The following SRRM3 variants were observed in gnomAD, a reference collection of about 807,000 sequenced individuals.
The protein encoded by SRRM3 is serine/arginine repetitive matrix 3, also known as serine/arginine repetitive matrix protein 3.
SRRM3 carries 27 observed loss-of-function variants against 66.2 expected under a neutral mutation model. That is an observed-to-expected ratio of 0.41 (90% CI 0.30 to 0.56). SRRM3 has a LOEUF of 0.56. SRRM3 is among the 20% of genes least tolerant of loss of function. The pLI is 0.32. For synonymous variants in SRRM3, 391 were observed against 414.9 expected (o/e 0.94, Z 0.70); for missense variants, 918 against 991.9 (o/e 0.93, Z 1.00).
chr7:76,254,908 T>A (rs1178102686), intron 3 of SRRM3, among the ~76,000 whole-genome samples: 3 of 151,822 alleles, frequency 2.0e-5, no homozygotes, highest in African/African-American at 7.3e-5. Flanking sequence ...AAAAGAGAAG[T>A]TTAAACAAAG....
At chr7:76,234,363 C>T (rs1801088381) in intron 1 of SRRM3, among the ~76,000 whole-genome samples, 1 of 152,140 alleles carries the variant, frequency 6.6e-6, no homozygotes, top group African/African-American at 2.4e-5. Flanking sequence ...GTCACGTCAT[C>T]AGAAGCAGTG....
intron 3 of SRRM3, among the ~76,000 whole-genome samples, chr7:76,248,771 G>A (rs1801502292): frequency 6.6e-6 from 1 of 152,164 alleles, no homozygotes; most frequent in Non-Finnish European, 1.5e-5. Context: ...TTGAGGTCAG[G>A]AGTTCGAGAC....
intron 11 of SRRM3, among the ~76,000 whole-genome samples, chr7:76,273,928 G>A (rs782356574): frequency 6.6e-6 from 1 of 151,730 alleles, no homozygotes; most frequent in East Asian, 1.9e-4. Context: ...CCTCCTTCAC[G>A]CCTTCTTTCT....
intron 1 of SRRM3, among the ~76,000 whole-genome samples, chr7:76,209,747 G>A (rs1318292144): frequency 6.6e-6 from 1 of 152,058 alleles, no homozygotes; most frequent in Non-Finnish European, 1.5e-5. Context: ...TGGGACGACA[G>A]GCATGTGCCA....
chr7:76,283,444 C>T (rs1802583365), intron 14 of SRRM3: 4 of 493,982 alleles, frequency 8.1e-6, no homozygotes, highest in Non-Finnish European at 7.8e-6. Flanking sequence ...GCAAGAGTCC[C>T]GCCATCCCTC....
At chr7:76,247,006 A>G (rs561204618) in intron 2 of SRRM3, among the ~76,000 whole-genome samples, 2 of 152,300 alleles carry the variant, frequency 1.3e-5, no homozygotes, top group South Asian at 4.1e-4. Context: ...GCTGCTGGAC[A>G]CCTGCTGTAT....
At position 76,258,165 on chromosome 7, in the gene SRRM3, G is replaced by C. The variant is rs75049088; in HGVS notation, c.336-1741G>C. Among the ~76,000 whole-genome samples, 920 of 152,268 alleles carry C rather than the reference G, an allele frequency of 6.0e-3. 10 individuals carry two copies. The highest frequency in any genetic ancestry group is 0.021 in the African/African-American group (863 of 41,550). On this transcript the variant is annotated intron_variant, in intron 3 of 14. Coordinates refer to ENST00000611745, the MANE Select transcript of SRRM3 (RefSeq NM_001110199.3). ...GCCCCCACCCTCTGCCACCAGGCTT[G>C]ATTGATGAGCACAGTCCTGCTGCCA...
At chr7:76,282,515 A>T in intron 12 of SRRM3, 133 bp from the exon 13 acceptor site, 1 of 443,750 alleles carries the variant, frequency 2.3e-6, no homozygotes, top group South Asian at 4.1e-5. Flanking sequence ...TTCACTGCGC[A>T]CTCCGCGCGA....
chr7:76,242,295 AC>A (rs1183375792), intron 2 of SRRM3, among the ~76,000 whole-genome samples: 1 of 152,058 alleles, frequency 6.6e-6, no homozygotes, highest in Non-Finnish European at 1.5e-5. Flanking sequence ...GACCAGCCTG[AC>A]CAACATGGAG....
intron 3 of SRRM3, among the ~76,000 whole-genome samples, chr7:76,254,953 G>A (rs936846170): frequency 6.6e-6 from 1 of 151,836 alleles, no homozygotes; most frequent in Admixed American, 6.6e-5. Flanking sequence ...ACAAGCTGGG[G>A]GATGACATGA....
chr7:76,233,078 G>A (rs531592841), intron 1 of SRRM3, among the ~76,000 whole-genome samples: 15 of 152,160 alleles, frequency 9.9e-5, no homozygotes, highest in Admixed American at 3.9e-4. Context: ...CAAAGTGGAA[G>A]GATTGTTTGA....
intron 11 of SRRM3, among the ~76,000 whole-genome samples, chr7:76,281,196 CCTGT>C (rs2117115005): frequency 1.3e-5 from 2 of 151,208 alleles, no homozygotes; most frequent in South Asian, 2.1e-4. Context: ...CTCCCTCTCT[CCTGT>C]CTCTCTTCAT....
chr7:76,240,446 C>T (rs1304673449), intron 2 of SRRM3, among the ~76,000 whole-genome samples: 1 of 151,810 alleles, frequency 6.6e-6, no homozygotes, highest in Non-Finnish European at 1.5e-5. Context: ...CGGTGAAACC[C>T]CTTCTCTACT....
At position 76,271,317 on chromosome 7, in the gene SRRM3, T is replaced by C. The variant is rs926845515; in HGVS notation, c.1008+3882T>C. ...ACTGTATCTCTACAAAAAATATATA[T>C]ATATTTTTAATCAGCCAGGCATGGT... On this transcript the variant is annotated intron_variant, in intron 11 of 14. Transcript: ENST00000611745. 5.3e-5 allele frequency among the ~76,000 whole-genome samples: 8 copies of C among 151,508 alleles called. No homozygotes were observed. The South Asian group carries it at 8.4e-4, about 16-fold the overall frequency.
intron 1 of SRRM3, among the ~76,000 whole-genome samples, chr7:76,220,298 C>A (rs1463460164): frequency 6.6e-6 from 1 of 152,134 alleles, no homozygotes; most frequent in Non-Finnish European, 1.5e-5. Context: ...CCCAGGGAGT[C>A]CTTCCAGGCA....
At chr7:76,259,492 G>T (rs894239054) in intron 3 of SRRM3, among the ~76,000 whole-genome samples, 2 of 151,632 alleles carry the variant, frequency 1.3e-5, no homozygotes, top group Admixed American at 6.6e-5. Context: ...AGGAAGGATC[G>T]CTTGGGCCCA....
At position 76,201,918 on chromosome 7, in the gene SRRM3, G is replaced by T. The variant is rs1321772313; in HGVS notation, c.-189G>T. The T allele has an allele frequency of 2.0e-5, 3 of 152,612 alleles. No homozygotes were observed. The highest frequency in any genetic ancestry group is 7.2e-5 in the African/African-American group (3 of 41,462). 9.5% of individuals were successfully genotyped at this position (152,612 alleles called of 1,614,324 possible). ...GCTGTCCAGCATTTCAGCAAGCGGC[G>T]GCAGCACCCGCGGGGAGGCAGAGGG... On this transcript the variant is annotated 5_prime_UTR_variant, in exon 1 of 15. Transcript: ENST00000611745.
At position 76,265,040 on chromosome 7, in the gene SRRM3, G is replaced by A. The variant is rs554258974; in HGVS notation, c.725+225G>A. 4.6e-5 allele frequency among the ~76,000 whole-genome samples: 7 copies of A among 152,156 alleles called. No homozygotes were observed. The East Asian group carries it at 1.2e-3, about 25-fold the overall frequency. On this transcript the variant is annotated intron_variant, in intron 9 of 14. Transcript: ENST00000611745. ...CAGGGTCCTCCCAAGCCCAGTCCTCGTGACTCCCACCCTCCTTCCTCCCAC... is the reference window on the plus strand; with the variant it reads ...CAGGGTCCTCCCAAGCCCAGTCCTCATGACTCCCACCCTCCTTCCTCCCAC...
chr7:76,267,704 AG>A (rs1422241755), intron 11 of SRRM3: 8 of 362,326 alleles, frequency 2.2e-5, no homozygotes, highest in African/African-American at 1.3e-4. Context: ...TGAAGGCCAG[AG>A]GGGGGTTGAC....
Sources: gnomAD v4.1 joint callset for allele counts (sites outside exome capture counted in the v4.1 genomes callset) on GRCh38, gnomAD v4.1.1 for gene constraint, MANE v1.5 for transcripts, NCBI Gene and HGNC (gene_info 2026-07-23, HGNC 2026-07-21) for gene names.